DIS3L2: variants seen among roughly 807,000 people sequenced by gnomAD.
DIS3L2 encodes DIS3 like 3'-5' exoribonuclease 2.
In DIS3L2, 34 loss-of-function variants were observed where a neutral mutation model predicts 97.5. The observed-to-expected ratio is 0.35, with a 90% CI of 0.27 to 0.46. DIS3L2 has a LOEUF of 0.46. Ranked by LOEUF, DIS3L2 falls within the 20% of genes least tolerant of loss-of-function variation. The pLI, the probability that DIS3L2 is intolerant of heterozygous loss-of-function variation, is 1.00. For synonymous variants in DIS3L2, 435 were observed against 445.2 expected, an observed-to-expected ratio of 0.98 and a Z score of 0.29; for missense variants, 1,038 against 1,146.0, an observed-to-expected ratio of 0.91 and a Z score of 1.36.
chr2:232,335,934 C>T (rs528204502), intron 20 of DIS3L2, 60 bp downstream of exon 20: 106 of 1,547,238 alleles, frequency 6.9e-5, no homozygotes, highest in Middle Eastern at 4.1e-4. Context: ...CTGCCTCCTG[C>T]GGTGCCCCTC....
At chr2:232,329,785 T>TCCCGGGGGGGGGGCCCCC in intron 14 of DIS3L2, 28 bp from the exon 15 acceptor site, 12 of 967,118 alleles carry the variant, frequency 1.2e-5, no homozygotes, top group East Asian at 9.3e-5. Context: ...ACCCCAGCGG[T>TCCCGGGGGGGGGGCCCCC]CCCTCCCATC....
chr2:232,004,150 G>A (rs1414399426), intron 1 of DIS3L2, among the ~76,000 whole-genome samples: 2 of 152,000 alleles, frequency 1.3e-5, no homozygotes, highest in East Asian at 3.9e-4. Flanking sequence ...TTGGCTCACT[G>A]CAACCTCTGC....
intron 6 of DIS3L2, among the ~76,000 whole-genome samples, chr2:232,116,165 T>G (rs902554206): frequency 1.4e-5 from 2 of 145,302 alleles, no homozygotes; most frequent in African/African-American, 2.6e-5. Context: ...GCGTGAGACT[T>G]GGTCTTAAAT....
chr2:232,336,305 CCCAGGGCATTCTT>C, intron 20 of DIS3L2, 151 bp from the exon 21 acceptor site: 1 of 1,547,360 alleles, frequency 6.5e-7, no homozygotes, highest in Non-Finnish European at 8.7e-7. Context: ...TCTGCCCTGA[CCCAGGGCATTCTT>C]CCTGGAGGGG....
At chr2:232,155,320 T>C (rs1690460982) in intron 8 of DIS3L2, among the ~76,000 whole-genome samples, 1 of 152,140 alleles carries the variant, frequency 6.6e-6, no homozygotes, top group African/African-American at 2.4e-5. Flanking sequence ...CTTCCTTTTG[T>C]CCTCCCTCCT....
chr2:232,053,632 TGG>T (rs1695468112), intron 5 of DIS3L2, among the ~76,000 whole-genome samples: 1 of 152,204 alleles, frequency 6.6e-6, no homozygotes, highest in Non-Finnish European at 1.5e-5. Flanking sequence ...TTTGCTATAA[TGG>T]TTTATAAAAC....
chr2:232,305,781 C>T (rs1455674100), intron 14 of DIS3L2, among the ~76,000 whole-genome samples: 1 of 151,996 alleles, frequency 6.6e-6, no homozygotes, highest in Non-Finnish European at 1.5e-5. Context: ...ATGGTGAAAC[C>T]CTGTATCTAC....
At position 232,281,863 on chromosome 2, in the gene DIS3L2, C is replaced by T. The variant is rs928748153; in HGVS notation, c.1660-18177C>T. 1.3e-5 allele frequency among the ~76,000 whole-genome samples: 2 copies of T among 151,978 alleles called. No individual in the cohort carries two copies. Among genetic ancestry groups the T allele is most frequent in the Non-Finnish European group, 2.9e-5 (2 of 67,882 alleles). On this transcript the variant is annotated intron_variant, in intron 13 of 20. Coordinates refer to ENST00000325385, the MANE Select transcript of DIS3L2 (RefSeq NM_152383.5). The surrounding 1 kb of genome is among the most constrained non-coding windows in gnomAD (Gnocchi z 4.1). ...CTTCTACCTTGCCACAGGCTGCTGC[C>T]TCTGAGTTAAAGAGACATGGGAAGC...
intron 10 of DIS3L2, among the ~76,000 whole-genome samples, chr2:232,230,674 G>A (rs1422154753): frequency 6.6e-6 from 1 of 152,206 alleles, no homozygotes; most frequent in South Asian, 2.1e-4. Context: ...CATTAATAGA[G>A]CCATGGTCTG....
chr2:232,129,422 C>A (rs1232664280), intron 6 of DIS3L2, among the ~76,000 whole-genome samples: 1 of 152,054 alleles, frequency 6.6e-6, no homozygotes, highest in Non-Finnish European at 1.5e-5. Flanking sequence ...ATTTTGGAAT[C>A]CTGAATTATG....
chr2:231,971,549 G>T (rs1692911764), intron 1 of DIS3L2, among the ~76,000 whole-genome samples: 1 of 152,094 alleles, frequency 6.6e-6, no homozygotes, highest in Admixed American at 6.5e-5. Context: ...CCAGGTTCAC[G>T]CCATTCTCCT....
intron 5 of DIS3L2, among the ~76,000 whole-genome samples, chr2:232,040,857 A>G (rs543409672): frequency 9.9e-5 from 15 of 152,192 alleles, no homozygotes; most frequent in Non-Finnish European, 1.8e-4. Context: ...TCATGATCAT[A>G]CTGTTATTTG....
chr2:232,334,003 G>A lies in DIS3L2; in HGVS notation c.2158+16G>A, dbSNP rs776381890. The A allele has an allele frequency of 1.0e-5, 16 of 1,602,714 alleles. No individual in the cohort carries two copies. Among genetic ancestry groups the A allele is most frequent in the Middle Eastern group, 1.7e-4 (1 of 6,044 alleles). ...GCCGCGTTAGGTGAGGGGTGCAGTC[G>A]GGGTCAGGGCAGACCTGGGCCAGCT... On this transcript the variant is annotated intron_variant, in intron 17 of 20. Coordinates refer to ENST00000325385, the MANE Select transcript of DIS3L2 (RefSeq NM_152383.5).
chr2:232,272,840 G>A (rs1462037346), intron 13 of DIS3L2, among the ~76,000 whole-genome samples: 1 of 152,170 alleles, frequency 6.6e-6, no homozygotes, highest in Non-Finnish European at 1.5e-5. Context: ...GTCTGCTGGT[G>A]AGGACCAGTG....
At chr2:231,987,870 G>A (rs900934083) in intron 1 of DIS3L2, among the ~76,000 whole-genome samples, 45 of 151,354 alleles carry the variant, frequency 3.0e-4, no homozygotes, top group African/African-American at 1.1e-3. Context: ...ACAGAGTTTC[G>A]CTCTTGTTGC....
At chr2:232,334,894 C>G (rs1695890370) in intron 19 of DIS3L2, 159 bp downstream of exon 19, 3 of 630,026 alleles carry the variant, frequency 4.8e-6, no homozygotes, top group African/African-American at 1.8e-5. Context: ...GCTCTCCCAC[C>G]TGGGATGGTG....
chr2:232,329,788 C>CGGGGGGAG, intron 14 of DIS3L2, 25 bp from the exon 15 acceptor site: 1 of 1,080,634 alleles, frequency 9.3e-7, no homozygotes, highest in South Asian at 1.9e-5. Context: ...CCAGCGGTCC[C>CGGGGGGAG]TCCCATCCCA....
intron 10 of DIS3L2, among the ~76,000 whole-genome samples, chr2:232,214,738 G>C (rs11691918): frequency 0.018 from 2,713 of 152,280 alleles, 27 homozygotes; most frequent in Non-Finnish European, 0.022. Context: ...TACCCATTCT[G>C]TTCAATTAGT....
chr2:232,228,699 T>C (rs914660096), intron 10 of DIS3L2, among the ~76,000 whole-genome samples: 1 of 152,206 alleles, frequency 6.6e-6, no homozygotes, highest in Non-Finnish European at 1.5e-5. Flanking sequence ...TGCTGGGAAG[T>C]CAAGAGGTAC....
Sources: allele counts gnomAD v4.1 joint callset (sites outside exome capture counted in the v4.1 genomes callset), GRCh38; gene constraint gnomAD v4.1.1; non-coding constraint Gnocchi (gnomAD v3.1); transcripts MANE v1.5; gene names NCBI Gene and HGNC (gene_info 2026-07-23, HGNC 2026-07-21).